GRM8: variants seen among roughly 807,000 people sequenced by gnomAD.
The protein encoded by GRM8 is glutamate metabotropic receptor 8, also known as metabotropic glutamate receptor 8.
Under a neutral mutation model 87.2 loss-of-function variants are expected in GRM8, and 47 were observed. That is an observed-to-expected ratio of 0.54 (90% CI 0.43 to 0.69). The LOEUF (loss-of-function observed/expected upper bound fraction) is 0.69. Among genes scored for constraint, GRM8 ranks in the 30% least tolerant of loss-of-function variants. The pLI is 0.00. For synonymous variants in GRM8, 396 were observed against 404.5 expected (o/e 0.98, Z 0.25); for missense variants, 1,019 against 1,139.2 (o/e 0.89, Z 1.52).
chr7:126,711,990 G>A (rs1811155455), intron 7 of GRM8, among the ~76,000 whole-genome samples: 2 of 152,198 alleles, frequency 1.3e-5, no homozygotes, highest in Non-Finnish European at 2.9e-5. Context: ...CTCATCATTT[G>A]TGTGTTCACT....
chr7:126,552,374 G>T (rs183710669), intron 8 of GRM8, among the ~76,000 whole-genome samples: 26 of 152,076 alleles, frequency 1.7e-4, no homozygotes, highest in Non-Finnish European at 4.4e-5. Flanking sequence ...GCACAAAAAA[G>T]GTGCTAATAA....
At chr7:126,543,336 T>C (rs1163808079) in intron 8 of GRM8, among the ~76,000 whole-genome samples, 1 of 152,250 alleles carries the variant, frequency 6.6e-6, no homozygotes, top group African/African-American at 2.4e-5. Flanking sequence ...AACCCTATGT[T>C]GGCATGTTTA....
rs184347019 is a variant in GRM8 at position 126,701,001 on chromosome 7, C to G, written c.1357+68864G>C. ...CTTCCCTCCCTCTCCCCTTCTCTTCCATTCCTTCTTTTCTTCCTTCCTTCT... is the reference window on the plus strand; with the variant it reads ...CTTCCCTCCCTCTCCCCTTCTCTTCGATTCCTTCTTTTCTTCCTTCCTTCT... On this transcript the variant is annotated intron_variant, in intron 7 of 10. Transcript: ENST00000339582. 3.3e-5 allele frequency among the ~76,000 whole-genome samples: 5 copies of G among 152,178 alleles called. No homozygotes were observed. The East Asian group carries it at 9.6e-4, about 29-fold the overall frequency.
intron 3 of GRM8, among the ~76,000 whole-genome samples, chr7:127,030,748 T>C (rs1817284378): frequency 2.0e-5 from 3 of 152,146 alleles, no homozygotes; most frequent in Non-Finnish European, 2.9e-5. Flanking sequence ...TCCATTTAGC[T>C]AAAATGTGCA....
intron 3 of GRM8, among the ~76,000 whole-genome samples, chr7:126,914,318 G>T (rs1803634715): frequency 1.3e-5 from 2 of 152,210 alleles, no homozygotes; most frequent in African/African-American, 4.8e-5. Flanking sequence ...CACACTGTTG[G>T]TGGGAATGTA....
At chr7:126,927,338 T>C (rs940436614) in intron 3 of GRM8, among the ~76,000 whole-genome samples, 5 of 152,060 alleles carry the variant, frequency 3.3e-5, no homozygotes, top group Non-Finnish European at 2.9e-5. Flanking sequence ...GGTCTCACTA[T>C]GTCGACTAGG....
At chr7:126,648,404 T>G (rs1803417934) in intron 7 of GRM8, among the ~76,000 whole-genome samples, 2 of 152,238 alleles carry the variant, frequency 1.3e-5, no homozygotes, top group South Asian at 2.1e-4. Flanking sequence ...TAGTATTTTA[T>G]GCCTAATGTA....
chr7:126,775,483 T>TGTTTTTTTTTTTTTGTTTG (rs1252978917), intron 6 of GRM8, among the ~76,000 whole-genome samples: 1 of 58,064 alleles, frequency 1.7e-5, no homozygotes, highest in Admixed American at 1.8e-4. Context: ...AAATAGGTTT[T>TGTTTTTTTTTTTTTGTTTG]TTTTTTTTTT....
chr7:126,722,053 G>A (rs983648329), intron 7 of GRM8, among the ~76,000 whole-genome samples: 1 of 152,016 alleles, frequency 6.6e-6, no homozygotes, highest in Non-Finnish European at 1.5e-5. Flanking sequence ...ACTATGACTG[G>A]GTATCATGAA....
intron 3 of GRM8, among the ~76,000 whole-genome samples, chr7:127,015,104 AGAAG>A (rs1815410629): frequency 1.5e-5 from 2 of 137,590 alleles, no homozygotes; most frequent in Admixed American, 7.4e-5. Context: ...AAGGAGAAGG[AGAAG>A]GAAGAAGGAG....
intron 3 of GRM8, among the ~76,000 whole-genome samples, chr7:127,045,813 G>A (rs930913099): frequency 6.6e-6 from 1 of 151,996 alleles, no homozygotes. Context: ...TCAATATATA[G>A]GCAAGTCTTT....
At chr7:127,088,552 A>G (rs1823733020) in intron 3 of GRM8, among the ~76,000 whole-genome samples, 1 of 152,210 alleles carries the variant, frequency 6.6e-6, no homozygotes, top group African/African-American at 2.4e-5. Context: ...AACTGAATTT[A>G]ACATATGTTG....
chr7:126,633,654 G>GT (rs1437712544), intron 7 of GRM8, among the ~76,000 whole-genome samples: 12 of 151,970 alleles, frequency 7.9e-5, no homozygotes, highest in Admixed American at 6.6e-4. Context: ...AAACATATCT[G>GT]TTTTTTTGAA....
intron 2 of GRM8, among the ~76,000 whole-genome samples, chr7:127,201,892 G>C (rs979773524): frequency 3.3e-5 from 5 of 152,304 alleles, no homozygotes; most frequent in Admixed American, 2.6e-4. Flanking sequence ...ATGTGGGCTT[G>C]AATATGCTGT....
chr7:126,893,343 A>T (rs1040112121), intron 6 of GRM8, among the ~76,000 whole-genome samples: 24 of 152,068 alleles, frequency 1.6e-4, no homozygotes, highest in Non-Finnish European at 3.2e-4. Flanking sequence ...TCATATTCCC[A>T]TTTAAATTAG....
chr7:127,127,797 AT>A (rs1047519976), intron 2 of GRM8, among the ~76,000 whole-genome samples: 3 of 152,158 alleles, frequency 2.0e-5, no homozygotes, highest in East Asian at 1.9e-4. Flanking sequence ...TTTAATAAAG[AT>A]TTTTTTAAAT....
chr7:126,704,023 A>G (rs1810224735), intron 7 of GRM8, among the ~76,000 whole-genome samples: 2 of 152,098 alleles, frequency 1.3e-5, no homozygotes, highest in Admixed American at 6.5e-5. Context: ...CTACCAGCAA[A>G]TGATTAAGTC....
intron 7 of GRM8, among the ~76,000 whole-genome samples, chr7:126,756,825 G>A (rs905744906): frequency 6.6e-6 from 1 of 151,958 alleles, no homozygotes; most frequent in East Asian, 1.9e-4. Flanking sequence ...ATAGAACTAT[G>A]GATACTCCTA....
chr7:126,588,570 G>A (rs1300727155), intron 8 of GRM8, among the ~76,000 whole-genome samples: 1 of 152,138 alleles, frequency 6.6e-6, no homozygotes, highest in Non-Finnish European at 1.5e-5. Flanking sequence ...CATCAGTGGT[G>A]AACTGGATAA....
Sources: allele counts gnomAD v4.1 joint callset (sites outside exome capture counted in the v4.1 genomes callset), GRCh38; gene constraint gnomAD v4.1.1; transcripts MANE v1.5; gene names NCBI Gene and HGNC (gene_info 2026-07-23, HGNC 2026-07-21).